The following PSG11 variants were observed in gnomAD, a reference collection of about 807,000 sequenced individuals.
PSG11 encodes pregnancy-specific beta-1-glycoprotein 11.
PSG11 carries 42 observed loss-of-function variants against 36.0 expected under a neutral mutation model. The ratio of observed to expected loss-of-function variants is 1.17; its 90% CI spans 0.91 to 1.51. The LOEUF (loss-of-function observed/expected upper bound fraction) is 1.51, where lower values mean the gene tolerates loss of function less well. Among genes scored for constraint, PSG11 ranks in the 40% most tolerant of loss-of-function variants. The pLI, the probability that PSG11 is intolerant of heterozygous loss-of-function variation, is 0.00. For missense variants in PSG11, 558 were observed against 403.5 expected, an observed-to-expected ratio of 1.38 and a Z score of -3.28; for synonymous variants, 206 against 153.5, an observed-to-expected ratio of 1.34 and a Z score of -2.53.
rs367915866 is a variant in PSG11 at position 43,018,920 on chromosome 19, G to T, written c.559C>A (p.Leu187Ile). 1.6e-5 allele frequency: 25 copies of T among 1,612,078 alleles called. 1 individual carries two copies. In the South Asian group the frequency reaches 2.3e-4, roughly 15 times the overall value. ...AGCTGCATCCTATGAGTCATAGGGAGGCTCTGACCATTCATCCACCACAGG... is the reference window on the plus strand; with the variant it reads ...AGCTGCATCCTATGAGTCATAGGGATGCTCTGACCATTCATCCACCACAGG... The part of the protein sequence containing the change: ...SYLWWMNGQS[L>I]PMTHRMQLSE... Residue 187 changes from leucine (L) to isoleucine (I), a missense_variant, in exon 3 of 6, where the codon CTC becomes ATC. Leu to Ile is a conservative substitution (Grantham distance 5). Coordinates refer to ENST00000320078, the MANE Select transcript of PSG11 (RefSeq NM_002785.3).
At chr19:43,025,741 A>C (rs1270373843) in intron 1 of PSG11, among the ~76,000 whole-genome samples, 17 of 147,706 alleles carry the variant, frequency 1.2e-4, no homozygotes, top group African/African-American at 4.0e-4. Context: ...GTGTCATCTG[A>C]TATAGTTATT....
At chr19:43,008,640 C>A (rs1599665614) in intron 5 of PSG11, among the ~76,000 whole-genome samples, 1 of 150,912 alleles carries the variant, frequency 6.6e-6, no homozygotes, top group Admixed American at 6.6e-5. Flanking sequence ...ATCACTTATC[C>A]CTTATTTGAA....
At chr19:43,018,634 A>C in intron 3 of PSG11, 136 bp downstream of exon 3, 1 of 1,580,592 alleles carries the variant, frequency 6.3e-7, no homozygotes. Context: ...TGTCTGGGGC[A>C]GAAAGTCATG....
intron 3 of PSG11, 123 bp from the exon 4 acceptor site, chr19:43,015,493 C>G (rs980779757): frequency 6.4e-5 from 88 of 1,377,806 alleles, no homozygotes; most frequent in Non-Finnish European, 8.4e-5. Flanking sequence ...GCCAAACCCC[C>G]TCTATGTTCA....
chr19:43,014,845 G>T (rs948140957), intron 4 of PSG11: 5 of 1,334,044 alleles, frequency 3.7e-6, no homozygotes, highest in African/African-American at 3.0e-5. Flanking sequence ...TTGTCCCTCT[G>T]TGAAGCCTCT....
chr19:43,008,687 G>A (rs1973994344), intron 5 of PSG11, among the ~76,000 whole-genome samples: 1 of 150,952 alleles, frequency 6.6e-6, no homozygotes, highest in African/African-American at 2.4e-5. Flanking sequence ...AAAATAAGGT[G>A]GCTTTTCCAT....
Position 43,024,827 on chromosome 19 carries a change from T to G in PSG11, c.294A>C (p.Arg98=). The change falls in exon 2 of 6, where the codon CGA becomes CGC. Residue 98 remains arginine, a synonymous_variant. Transcript: ENST00000320078. ...IIIYGPAYSG[R]ETVYSNASLL... is the part of the protein sequence containing the mutation. Reference sequence around the variant, plus strand: ...GGGATGCATTGGAATATACTGTTTCTCGTCCACTGTATGCCGGTCCATATA... The same window carrying G: ...GGGATGCATTGGAATATACTGTTTCGCGTCCACTGTATGCCGGTCCATATA... 4.3e-6 allele frequency: 7 copies of G among 1,612,006 alleles called. No individual in the cohort carries two copies. The highest frequency in any genetic ancestry group is 5.9e-6 in the Non-Finnish European group (7 of 1,179,110).
At chr19:43,011,598 A>C (rs1180405987) in intron 4 of PSG11, among the ~76,000 whole-genome samples, 7 of 151,442 alleles carry the variant, frequency 4.6e-5, no homozygotes, top group Admixed American at 4.6e-4. Context: ...ATCAGAAATG[A>C]AAATGGACTC....
At chr19:43,011,658 A>T (rs1333937727) in intron 4 of PSG11, among the ~76,000 whole-genome samples, 5 of 151,292 alleles carry the variant, frequency 3.3e-5, no homozygotes, top group African/African-American at 1.2e-4. Flanking sequence ...AGGTCACAGC[A>T]GAAGGATTTC....
chr19:43,026,343 T>A lies in PSG11; in HGVS notation c.30A>T (p.Thr10=), dbSNP rs1028618684. MGPLSAPPC[T]EHIKWKGLLL... Reference sequence around the variant, plus strand: ...GGAGCCCCTTCCATTTGATGTGCTCTGTGCAGGGAGGGGCTGAGAGGGGCC... The same window carrying A: ...GGAGCCCCTTCCATTTGATGTGCTCAGTGCAGGGAGGGGCTGAGAGGGGCC... The change falls in exon 1 of 6, where the codon ACA becomes ACT. Residue 10 remains threonine, a synonymous_variant. Transcript: ENST00000320078. 9.9e-6 allele frequency: 16 copies of A among 1,611,072 alleles called. No individual in the cohort carries two copies. The highest frequency in any genetic ancestry group is 1.3e-5 in the Non-Finnish European group (15 of 1,178,646).
chr19:43,018,115 C>G (rs1324078966), intron 3 of PSG11, among the ~76,000 whole-genome samples: 1 of 151,226 alleles, frequency 6.6e-6, no homozygotes, highest in Non-Finnish European at 1.5e-5. Context: ...ATCCACTTAC[C>G]AGGGACTATG....
At chr19:43,022,700 CACAGGTCAG>C (rs1967130734) in intron 2 of PSG11, among the ~76,000 whole-genome samples, 3 of 151,176 alleles carry the variant, frequency 2.0e-5, no homozygotes. Context: ...TGGTCTTGTC[CACAGGTCAG>C]CCTCACAAAG....
At position 43,018,942 on chromosome 19, in the gene PSG11, C is replaced by A. The variant is rs1967035434; in HGVS notation, c.537G>T (p.Leu179=). The change falls in exon 3 of 6, where the codon CTG becomes CTT. Residue 179 remains leucine, a synonymous_variant. Transcript: ENST00000320078. ...CNPETPDASY[L]WWMNGQSLPM... ...GGAGGCTCTGACCATTCATCCACCACAGGTAGCTTGCGTCCGGAGTCTCAG... is the reference window on the plus strand; with the variant it reads ...GGAGGCTCTGACCATTCATCCACCAAAGGTAGCTTGCGTCCGGAGTCTCAG... 6.2e-7 allele frequency: 1 copy of A among 1,612,164 alleles called. No individual in the cohort carries two copies. The highest frequency in any genetic ancestry group is 1.1e-5 in the South Asian group (1 of 90,836).
At chr19:43,013,549 C>G (rs1218327721) in intron 4 of PSG11, among the ~76,000 whole-genome samples, 3 of 151,144 alleles carry the variant, frequency 2.0e-5, no homozygotes, top group Non-Finnish European at 2.9e-5. Context: ...CAAATCAAAA[C>G]CACAATGTTA....
chr19:43,012,808 A>T (rs1438450268), intron 4 of PSG11, among the ~76,000 whole-genome samples: 1 of 151,394 alleles, frequency 6.6e-6, no homozygotes, highest in African/African-American at 2.4e-5. Flanking sequence ...ATTGAATCTC[A>T]TGACTCTAAA....
At chr19:43,025,220 G>A (rs1967213030) in intron 1 of PSG11, 164 bp from the exon 2 acceptor site, 1 of 1,239,652 alleles carries the variant, frequency 8.1e-7, no homozygotes, top group South Asian at 1.5e-5. Flanking sequence ...GGGCATGTGT[G>A]TTTGTGTATG....
chr19:43,018,620 G>T (rs541129916), intron 3 of PSG11, 150 bp downstream of exon 3: 2 of 1,546,832 alleles, frequency 1.3e-6, no homozygotes, highest in Non-Finnish European at 8.9e-7. Context: ...GGCCTACTGT[G>T]GTTTGTCTGG....
At chr19:43,009,554 A>G (rs1974019896) in intron 5 of PSG11, among the ~76,000 whole-genome samples, 1 of 151,410 alleles carries the variant, frequency 6.6e-6, no homozygotes, top group African/African-American at 2.4e-5. Flanking sequence ...TAGATTTTAG[A>G]AAGGTAATGA....
chr19:43,025,801 A>G (rs1201014546), intron 1 of PSG11, among the ~76,000 whole-genome samples: 1 of 150,412 alleles, frequency 6.6e-6, no homozygotes, highest in Non-Finnish European at 1.5e-5. Flanking sequence ...TCAGGAAAAC[A>G]GAACACCTGT....
Sources: gnomAD v4.1 joint callset for allele counts (sites outside exome capture counted in the v4.1 genomes callset) on GRCh38, gnomAD v4.1.1 for gene constraint, MANE v1.5 for transcripts, NCBI Gene and HGNC (gene_info 2026-07-23, HGNC 2026-07-21) for gene names.